Variants in CDHR2 observed in about 807,000 individuals in gnomAD.
CDHR2 encodes the protein cadherin related family member 2.
In CDHR2, 104 loss-of-function variants were observed where a neutral mutation model predicts 138.6. The observed-to-expected ratio is 0.75, with a 90% CI of 0.64 to 0.88. The LOEUF (loss-of-function observed/expected upper bound fraction) is 0.88. Among genes scored for constraint, CDHR2 ranks in the 40% least tolerant of loss-of-function variants. The probability of loss-of-function intolerance (pLI) is 0.00; values close to 1 mark genes in which losing one functional copy is unlikely to be tolerated. For missense variants in CDHR2, 1,624 were observed against 1,727.6 expected, an observed-to-expected ratio of 0.94 and a Z score of 1.06; for synonymous variants, 755 against 742.8, an observed-to-expected ratio of 1.02 and a Z score of -0.27.
In CDHR2 at chr5:176,578,608, G is replaced by A. The variant is rs1377875577; in HGVS notation, c.1818G>A (p.Gln606=). 1 of 1,609,622 alleles carries A rather than the reference G, an allele frequency of 6.2e-7. No individual in the cohort carries two copies. The highest frequency in any genetic ancestry group is 8.5e-7 in the Non-Finnish European group (1 of 1,179,994). The change falls in exon 16 of 32, where the codon CAG becomes CAA. Residue 606 remains glutamine, a splice_region_variant and synonymous_variant. Transcript: ENST00000261944. ...EEEGNVSVTI[Q]AHDNDEPGTN... ...AGGGCAATGTCTCCGTGACCATCCA[G>A]GTGTGAGCCTGCCTGGACCTGGTGG... is the stretch of plus-strand genomic sequence containing the variant.
At chr5:176,560,444 T>C (rs939305538) in intron 1 of CDHR2, among the ~76,000 whole-genome samples, 6 of 151,806 alleles carry the variant, frequency 4.0e-5, no homozygotes, top group Admixed American at 3.9e-4. Context: ...GAATGATTAA[T>C]ACACCAGATT....
intron 21 of CDHR2, 121 bp downstream of exon 21, chr5:176,586,963 C>T (rs553056792): frequency 1.6e-4 from 128 of 778,554 alleles, no homozygotes; most frequent in Non-Finnish European, 2.5e-4. Flanking sequence ...AAAAGAAAAC[C>T]CCAGAAGGGA....
chr5:176,575,839 G>T lies in CDHR2; in HGVS notation c.960G>T (p.Thr320=), dbSNP rs780769740. ...ATGAGGAGGTGCAGCTGCAGGTCAC[G>T]GTGAGCAAAGGCCCCACCACCCCTG... The part of the protein sequence containing the change: ...EADEEVQLQV[T]ATETHLNIYG... Residue 320 remains threonine, a splice_region_variant and synonymous_variant, in exon 11 of 32, where the codon ACG becomes ACT. Transcript: ENST00000261944. The T allele has an allele frequency of 5.8e-6, 9 of 1,547,040 alleles. No individual in the cohort carries two copies. In the East Asian group the frequency reaches 2.0e-4, roughly 34 times the overall value.
chr5:176,589,153 C>A lies in CDHR2; in HGVS notation c.2979C>A (p.Ser993=), dbSNP rs116761490. 7.4e-6 allele frequency: 12 copies of A among 1,614,050 alleles called. No homozygotes were observed. In the East Asian group the frequency reaches 1.8e-4, roughly 24 times the overall value. The change falls in exon 22 of 32, where the codon TCC becomes TCA. Residue 993 remains serine, a synonymous_variant. Transcript: ENST00000261944. ...GTGTCTTCTCGATCTTCACCTCCTC[C>A]GAGGCCGACGTGTTCGCTGGGAGCA... ...FQGVFSIFTS[S]EADVFAGSIQ... is the part of the protein sequence containing the mutation.
intron 17 of CDHR2, among the ~76,000 whole-genome samples, chr5:176,582,535 G>A (rs1046800334): frequency 6.6e-6 from 1 of 152,160 alleles, no homozygotes; most frequent in Admixed American, 6.5e-5. Flanking sequence ...AAAAACCTCA[G>A]TACTTTGGGA....
At position 176,575,216 on chromosome 5, in the gene CDHR2, G is replaced by A. The variant is rs373092765; in HGVS notation, c.621+7G>A. The A allele has an allele frequency of 4.7e-5, 76 of 1,614,046 alleles. No homozygotes were observed. The highest frequency in any genetic ancestry group is 4.5e-4 in the East Asian group (20 of 44,902). ...GCTGGAGCTGAAGGCCTGTGTGAGT[G>A]GGGGTGCCGGCAGGCGGGCCTAGGA... is the stretch of plus-strand genomic sequence containing the variant. On this transcript the variant is annotated splice_region_variant and intron_variant, in intron 8 of 31. Transcript: ENST00000261944.
Position 176,595,779 on chromosome 5 carries a change from T to A in CDHR2, c.*107T>A, listed in dbSNP as rs953721067. On this transcript the variant is annotated 3_prime_UTR_variant, in exon 32 of 32. Transcript: ENST00000261944. ...ATGACGCTGCCCTGCCTCCTGCTTT[T>A]GGCCAATCACGGCAGACAGGGGTTG... 3.1e-5 allele frequency: 36 copies of A among 1,170,346 alleles called. No individual in the cohort carries two copies. Among genetic ancestry groups the A allele is most frequent in the Non-Finnish European group, 3.5e-5 (30 of 861,868 alleles). The allele number at this position is 1,170,346 out of a possible 1,614,324, so 72.5% of individuals were successfully genotyped here. A position where few individuals can be genotyped will look rare whatever the true frequency, so the allele number is the denominator to read the frequency against.
chr5:176,551,516 G>C, intron 1 of CDHR2, among the ~76,000 whole-genome samples: 1 of 150,454 alleles, frequency 6.6e-6, no homozygotes, highest in South Asian at 2.1e-4. Flanking sequence ...TTTGAGACAA[G>C]GTCTTGCTCT....
At chr5:176,590,396 C>T in intron 26 of CDHR2, 29 bp from the exon 27 acceptor site, 1 of 1,614,150 alleles carries the variant, frequency 6.2e-7, no homozygotes, top group African/African-American at 1.3e-5. Flanking sequence ...GCCAAGGTCC[C>T]TCGGGCCTAA....
rs1358584209 is a variant in CDHR2 at position 176,543,764 on chromosome 5, G to C, written c.-16+995G>C. 2 of 152,192 alleles carry C rather than the reference G, an allele frequency of 1.3e-5. No homozygotes were observed. Among genetic ancestry groups the C allele is most frequent in the Non-Finnish European group, 2.9e-5 (2 of 68,056 alleles). The allele number at this position is 152,192 out of a possible 1,614,324, so 9.4% of individuals were successfully genotyped here. ...TCAGCAGATCTTGGTTCCCCGCTTT[G>C]GGCCATTCTCTGACCCTCACTTTTC... is the stretch of plus-strand genomic sequence containing the variant. On this transcript the variant is annotated intron_variant, in intron 1 of 31. Coordinates refer to the CDHR2 transcript ENST00000510636. This position sits in a 1 kb window ranked among gnomAD's most constrained non-coding sequence, Gnocchi z 4.0.
At chr5:176,565,162 C>A in intron 1 of CDHR2, 176 bp from the exon 2 acceptor site, 2 of 599,398 alleles carry the variant, frequency 3.3e-6, no homozygotes, top group Non-Finnish European at 6.0e-6. Context: ...CTGGCCTCCC[C>A]CTTGGTTCCC....
chr5:176,575,539 G>T lies in CDHR2; in HGVS notation c.802G>T (p.Gly268Cys), dbSNP rs757117381. The part of the protein sequence containing the change: ...TSVLTVEAVD[G>C]DKGINDPVIY... ...GGTGCTGACGGTGGAGGCTGTGGAT[G>T]GCGACAAAGGCATCAATGACCCTGT... Residue 268 changes from glycine (G) to cysteine (C), a missense_variant, in exon 10 of 32, where the codon GGC (glycine) becomes TGC (cysteine). By Grantham distance (159) the Gly-to-Cys change is radical. Around this residue, in one of 3 missense-constraint regions of CDHR2, gnomAD observed 1,061 missense variants for 1,136.6 expected, o/e 0.93. Coordinates refer to ENST00000261944, the MANE Select transcript of CDHR2 (RefSeq NM_017675.6). 6 of 1,614,046 alleles carry T rather than the reference G, an allele frequency of 3.7e-6. No homozygotes were observed. The African/African-American group carries it at 8.0e-5, about 22-fold the overall frequency.
chr5:176,574,212 A>AG (rs1758304056), intron 7 of CDHR2, 40 bp downstream of exon 7: 2 of 1,437,530 alleles, frequency 1.4e-6, no homozygotes, highest in South Asian at 2.3e-5. Flanking sequence ...TGTGACCGCC[A>AG]GGGGGCAGCA....
chr5:176,590,767 A>C, intron 28 of CDHR2, 80 bp downstream of exon 28: 2 of 1,591,378 alleles, frequency 1.3e-6, no homozygotes, highest in Non-Finnish European at 1.7e-6. Flanking sequence ...GGGTAGAAGG[A>C]GCTGGGGCTT....
At position 176,578,149 on chromosome 5, in the gene CDHR2, C is replaced by T. The variant is rs904057048; in HGVS notation, c.1574+54C>T. The T allele has an allele frequency of 4.7e-6, 7 of 1,485,546 alleles. No individual in the cohort carries two copies. In the African/African-American group the frequency reaches 9.7e-5, roughly 21 times the overall value. The allele number at this position is 1,485,546 out of a possible 1,614,324, so 92.0% of individuals were successfully genotyped here. A position where few individuals can be genotyped will look rare whatever the true frequency, so the allele number is the denominator to read the frequency against. On this transcript the variant is annotated intron_variant, in intron 15 of 31. Coordinates refer to ENST00000261944, the MANE Select transcript of CDHR2 (RefSeq NM_017675.6). Reference sequence around the variant, plus strand: ...GTGGGTGAGCAGGGCCCAGGCCCACCTCTCTGCCTCTCTGCAGAGATAGAA... The same window carrying T: ...GTGGGTGAGCAGGGCCCAGGCCCACTTCTCTGCCTCTCTGCAGAGATAGAA...
intron 5 of CDHR2, among the ~76,000 whole-genome samples, chr5:176,569,994 C>T (rs1758186923): frequency 6.6e-6 from 1 of 151,744 alleles, no homozygotes; most frequent in Non-Finnish European, 1.5e-5. Flanking sequence ...ACGAAAGTCC[C>T]CTTGGAAAAT....
At chr5:176,588,135 C>A (rs374600848) in intron 21 of CDHR2, among the ~76,000 whole-genome samples, 1 of 152,128 alleles carries the variant, frequency 6.6e-6, no homozygotes. Flanking sequence ...TGGTACTCCC[C>A]GCACGGAAAT....
At chr5:176,577,590 G>C (rs771554813) in intron 13 of CDHR2, 36 bp downstream of exon 13, 1 of 1,613,816 alleles carries the variant, frequency 6.2e-7, no homozygotes, top group East Asian at 2.2e-5. Flanking sequence ...GGCAGAAGCC[G>C]AGGGGCACTT....
Position 176,595,616 on chromosome 5 carries a change from G to A in CDHR2, c.3877G>A (p.Gly1293Arg), listed in dbSNP as rs757484467. The change falls in exon 32 of 32, where the codon GGA becomes AGA. Residue 1293 changes from glycine to arginine, a missense_variant. Transcript: ENST00000261944. ...GTTAGGACGGCAGGCAGGCGCAAGT[G>A]GACAGCTGGAGGGGCCATCCTACAC... ...VLLGRQAGAS[G>R]QLEGPSYTNA... 2.1e-5 allele frequency: 34 copies of A among 1,612,570 alleles called. No homozygotes were observed. The South Asian group carries it at 3.6e-4, about 17-fold the overall frequency.
Sources: gnomAD v4.1 joint callset for allele counts (sites outside exome capture counted in the v4.1 genomes callset) on GRCh38, gnomAD v4.1.1 for gene constraint, gnomAD v4.1.1 regional missense constraint, Gnocchi (gnomAD v3.1) non-coding constraint, MANE v1.5 for transcripts, NCBI Gene and HGNC (gene_info 2026-07-23, HGNC 2026-07-21) for gene names.